Variants in SLCO2B1 observed in about 807,000 individuals in gnomAD.
SLCO2B1 encodes the protein OATP-RP2.
A neutral mutation model predicts 67.3 loss-of-function variants in SLCO2B1; 41 were observed. The ratio of observed to expected loss-of-function variants is 0.61; its 90% CI spans 0.47 to 0.79. The LOEUF (loss-of-function observed/expected upper bound fraction) is 0.79, where lower values mean the gene tolerates loss of function less well. Among genes scored for constraint, SLCO2B1 ranks in the 30% least tolerant of loss-of-function variants. The pLI is 0.00. For missense variants in SLCO2B1, 837 were observed against 920.1 expected (o/e 0.91, Z 1.17); for synonymous variants, 379 against 381.4 (o/e 0.99, Z 0.07).
chr11:75,204,382 T>C lies in SLCO2B1; in HGVS notation c.1950-18T>C. On this transcript the variant is annotated intron_variant, in intron 13 of 13. Coordinates refer to ENST00000289575, the MANE Select transcript of SLCO2B1 (RefSeq NM_007256.5). ...GCCTGGCAGCTCTTGAGTTCAAGGG[T>C]CCCCATTCTTTCCCCAGGTTCATCG... The C allele has an allele frequency of 6.3e-7, 1 of 1,587,946 alleles. No individual in the cohort carries two copies. Among genetic ancestry groups the C allele is most frequent in the Non-Finnish European group, 8.6e-7 (1 of 1,166,742 alleles).
intron 7 of SLCO2B1, among the ~76,000 whole-genome samples, chr11:75,187,211 C>T (rs930080276): frequency 3.9e-5 from 6 of 152,188 alleles, no homozygotes; most frequent in South Asian, 2.1e-4. Flanking sequence ...GCTTAGTAGG[C>T]ATTAACCGTT....
At chr11:75,200,467 G>C in intron 11 of SLCO2B1, 80 bp downstream of exon 11, 2 of 1,448,164 alleles carry the variant, frequency 1.4e-6, no homozygotes, top group Non-Finnish European at 1.8e-6. Context: ...TCCAAGGACG[G>C]AGTTCAAGAA....
At chr11:75,169,619 G>C in intron 5 of SLCO2B1, 47 bp from the exon 6 acceptor site, 1 of 1,524,376 alleles carries the variant, frequency 6.6e-7, no homozygotes. Flanking sequence ...CTGGTCTGCA[G>C]AGGGAAGCCA....
chr11:75,183,196 T>C (rs546353272), intron 7 of SLCO2B1, among the ~76,000 whole-genome samples: 10 of 152,264 alleles, frequency 6.6e-5, no homozygotes, highest in Non-Finnish European at 1.2e-4. Context: ...TAAAATATTC[T>C]TATTTTAACA....
intron 7 of SLCO2B1, among the ~76,000 whole-genome samples, chr11:75,184,133 T>C: frequency 6.6e-6 from 1 of 152,210 alleles, no homozygotes; most frequent in Non-Finnish European, 1.5e-5. Context: ...CTCCTCTTGC[T>C]TTCATTTTTT....
chr11:75,195,082 T>C (rs1188873050), intron 9 of SLCO2B1, among the ~76,000 whole-genome samples: 1 of 152,110 alleles, frequency 6.6e-6, no homozygotes. Flanking sequence ...TGGGTCCTGT[T>C]ATTAGCCCCA....
At position 75,205,051 on chromosome 11, in the gene SLCO2B1, C is replaced by G. The variant is rs1282730741; in HGVS notation, c.*471C>G. On this transcript the variant is annotated 3_prime_UTR_variant, in exon 14 of 14. Transcript: ENST00000289575. ...TTCAGGCTCGTTCAGCTATGACCAT[C>G]TGTGCGGTCAGGGTACACTCAGCTC... The G allele has an allele frequency of 1.3e-5, 2 of 153,036 alleles. No homozygotes were observed. Among genetic ancestry groups the G allele is most frequent in the Non-Finnish European group, 2.9e-5 (2 of 68,636 alleles). The allele number at this position is 153,036 out of a possible 1,614,324, so 9.5% of individuals were successfully genotyped here.
chr11:75,186,309 A>G (rs550899496), intron 7 of SLCO2B1, among the ~76,000 whole-genome samples: 10 of 151,578 alleles, frequency 6.6e-5, no homozygotes, highest in Admixed American at 2.6e-4. Flanking sequence ...CCCAGGTTCA[A>G]GCGATCTTCC....
At chr11:75,198,416 C>T (rs1945133187) in intron 10 of SLCO2B1, among the ~76,000 whole-genome samples, 2 of 152,252 alleles carry the variant, frequency 1.3e-5, no homozygotes, top group Non-Finnish European at 2.9e-5. Flanking sequence ...CAAAGCGCCA[C>T]ATAACGTTAT....
chr11:75,166,569 A>G (rs1949895151), intron 4 of SLCO2B1, among the ~76,000 whole-genome samples: 1 of 136,926 alleles, frequency 7.3e-6, no homozygotes, highest in African/African-American at 2.7e-5. Flanking sequence ...TCACCCACCC[A>G]CCCACTCACC....
chr11:75,198,850 G>T (rs754691681), intron 10 of SLCO2B1, among the ~76,000 whole-genome samples: 2 of 152,172 alleles, frequency 1.3e-5, no homozygotes, highest in Non-Finnish European at 2.9e-5. Context: ...CGCCTGAACA[G>T]GTGTGGAGCT....
chr11:75,197,436 A>G (rs1391618491), intron 10 of SLCO2B1, among the ~76,000 whole-genome samples: 1 of 152,246 alleles, frequency 6.6e-6, no homozygotes, highest in Non-Finnish European at 1.5e-5. Flanking sequence ...CGCTCAGCAG[A>G]GATTTGAAGG....
chr11:75,173,304 T>A (rs1949986892), intron 7 of SLCO2B1, among the ~76,000 whole-genome samples: 1 of 152,240 alleles, frequency 6.6e-6, no homozygotes, highest in African/African-American at 2.4e-5. Flanking sequence ...TTTGAAGGAT[T>A]TGTGGAAGCA....
chr11:75,201,605 G>A (rs1235019122), intron 11 of SLCO2B1: 2 of 152,224 alleles, frequency 1.3e-5, no homozygotes, highest in Admixed American at 6.5e-5. Context: ...GTATGCTGGG[G>A]TTTCCACAGC....
intron 6 of SLCO2B1, chr11:75,170,103 G>C (rs1041687992): frequency 3.6e-6 from 1 of 277,406 alleles, no homozygotes; most frequent in Non-Finnish European, 6.9e-6. Flanking sequence ...CACACATGCT[G>C]TGGGGCAGGT....
intron 8 of SLCO2B1, among the ~76,000 whole-genome samples, chr11:75,192,084 C>T (rs563821081): frequency 2.6e-5 from 4 of 152,246 alleles, no homozygotes; most frequent in South Asian, 2.1e-4. Flanking sequence ...TTTTCCTCCT[C>T]GCTTTACCTC....
intron 7 of SLCO2B1, among the ~76,000 whole-genome samples, chr11:75,174,260 T>G (rs1449105462): frequency 6.6e-6 from 1 of 152,240 alleles, no homozygotes; most frequent in Non-Finnish European, 1.5e-5. Flanking sequence ...ATTAAGTAAC[T>G]TACTTGTTGC....
intron 12 of SLCO2B1, 73 bp downstream of exon 12, chr11:75,203,038 A>G: frequency 7.3e-7 from 1 of 1,372,016 alleles, no homozygotes; most frequent in Non-Finnish European, 1.0e-6. Context: ...GGCCTGGGGC[A>G]CAGGCATGAG....
At chr11:75,189,540 T>C (rs1287223980) in intron 8 of SLCO2B1, among the ~76,000 whole-genome samples, 2 of 152,180 alleles carry the variant, frequency 1.3e-5, no homozygotes, top group Non-Finnish European at 2.9e-5. Context: ...GGATAGTAAA[T>C]TGAGCTGCCT....
Sources: allele counts gnomAD v4.1 joint callset (sites outside exome capture counted in the v4.1 genomes callset), GRCh38; gene constraint gnomAD v4.1.1; transcripts MANE v1.5; gene names NCBI Gene and HGNC (gene_info 2026-07-23, HGNC 2026-07-21).